The following CASR variants were observed in gnomAD, a reference collection of about 807,000 sequenced individuals.
The protein encoded by CASR is extracellular calcium-sensing receptor.
Under a neutral mutation model 69.1 loss-of-function variants are expected in CASR, and 23 were observed. That is an observed-to-expected ratio of 0.33 (90% CI 0.24 to 0.47). The LOEUF (loss-of-function observed/expected upper bound fraction) is 0.47. CASR is among the 20% of genes least tolerant of loss of function. CASR has a pLI of 1.00. For missense variants in CASR, 924 were observed against 1,356.1 expected, an observed-to-expected ratio of 0.68 and a Z score of 5.00; for synonymous variants, 541 against 544.7, an observed-to-expected ratio of 0.99 and a Z score of 0.10.
chr3:122,287,895 G>A lies in CASR; in HGVS notation c.*2704G>A, dbSNP rs1162818237. On this transcript the variant is annotated 3_prime_UTR_variant, in exon 7 of 7. Transcript: ENST00000639785. ...ATGACAGTACACAGAGCTTATGGAG[G>A]CTAACAAAGCTTCCAGGGTACCAGA... The A allele has an allele frequency of 6.6e-6, 1 of 152,188 alleles. No homozygotes were observed. Among genetic ancestry groups the A allele is most frequent in the Non-Finnish European group, 1.5e-5 (1 of 68,058 alleles). 9.4% of individuals were successfully genotyped at this position (152,188 alleles called of 1,614,324 possible).
intron 1 of CASR, among the ~76,000 whole-genome samples, chr3:122,220,375 T>C (rs923954031): frequency 6.6e-6 from 1 of 152,226 alleles, no homozygotes; most frequent in Non-Finnish European, 1.5e-5. Context: ...GAGCCAGTGA[T>C]ATGTCTGAGA....
At chr3:122,250,773 A>G (rs562339449) in intron 1 of CASR, among the ~76,000 whole-genome samples, 1 of 152,340 alleles carries the variant, frequency 6.6e-6, no homozygotes, top group South Asian at 2.1e-4. Context: ...TTCAGCATTT[A>G]CTATTTCAGA....
At chr3:122,251,046 G>A (rs2074477856) in intron 1 of CASR, among the ~76,000 whole-genome samples, 1 of 152,182 alleles carries the variant, frequency 6.6e-6, no homozygotes, top group Admixed American at 6.5e-5. Flanking sequence ...ACTAGGGTCA[G>A]AAAACTGGGA....
chr3:122,186,549 T>TA (rs1559931033), intron 1 of CASR, among the ~76,000 whole-genome samples: 1 of 152,320 alleles, frequency 6.6e-6, no homozygotes, highest in East Asian at 1.9e-4. Context: ...AACTAACTGG[T>TA]ATATAAAACC....
In CASR at chr3:122,228,458, A is replaced by T. The variant is rs147063858; in HGVS notation, c.-242-25490A>T. On this transcript the variant is annotated intron_variant, in intron 1 of 6. Transcript: ENST00000639785. The stretch of plus-strand genomic sequence containing the variant: ...ACCAAGCCTCACTTGTGGAACGTGG[A>T]AATGCCTTTATTTCCTATTAGAAGT... Among the ~76,000 whole-genome samples, 102 of 152,306 alleles carry T rather than the reference A, an allele frequency of 6.7e-4. No homozygotes were observed. In the East Asian group the frequency reaches 9.3e-3, roughly 14 times the overall value.
At chr3:122,269,068 G>A (rs1199705612) in intron 4 of CASR, among the ~76,000 whole-genome samples, 4 of 152,082 alleles carry the variant, frequency 2.6e-5, no homozygotes, top group African/African-American at 9.7e-5. Flanking sequence ...ATCTTTATCA[G>A]GAACAATTTA....
chr3:122,188,892 G>A (rs1483859556), intron 1 of CASR, among the ~76,000 whole-genome samples: 1 of 152,212 alleles, frequency 6.6e-6, no homozygotes, highest in Non-Finnish European at 1.5e-5. Context: ...ATGCAATGCA[G>A]TCTTGGTAAC....
chr3:122,284,683 C>G lies in CASR; in HGVS notation c.2729C>G (p.Pro910Arg), dbSNP rs1219288084. The G allele has an allele frequency of 1.2e-6, 2 of 1,613,502 alleles. No individual in the cohort carries two copies. The highest frequency in any genetic ancestry group is 1.7e-6 in the Non-Finnish European group (2 of 1,179,492). ...CTTGGAGGCTCCACGGGATCCACCC[C>G]CTCCTCCTCCATCAGCAGCAAGAGC... Reference protein sequence around the residue: ...SSLGGSTGSTPSSSISSKSNS... With the variant: ...SSLGGSTGSTRSSSISSKSNS... The change falls in exon 7 of 7, where the codon CCC becomes CGC. Residue 910 changes from proline (P) to arginine (R), a missense_variant. By Grantham distance (103) the Pro-to-Arg change is moderately radical. Coordinates refer to ENST00000639785, the MANE Select transcript of CASR (RefSeq NM_000388.4).
At chr3:122,219,829 G>A (rs528839228) in intron 1 of CASR, among the ~76,000 whole-genome samples, 70 of 152,354 alleles carry the variant, frequency 4.6e-4, no homozygotes, top group African/African-American at 1.5e-3. Context: ...ATTTAGACAA[G>A]AGGGATCCCT....
chr3:122,254,631 C>T (rs2074534968), intron 2 of CASR, among the ~76,000 whole-genome samples: 1 of 151,942 alleles, frequency 6.6e-6, no homozygotes, highest in Non-Finnish European at 1.5e-5. Context: ...CATTTGGTGA[C>T]CAAGTTATCA....
At chr3:122,184,321 C>T (rs900423827) in intron 1 of CASR, 8 of 153,256 alleles carry the variant, frequency 5.2e-5, no homozygotes, top group Admixed American at 3.9e-4. Context: ...AGCGGCCGCC[C>T]AGAGGGTCTG....
intron 1 of CASR, among the ~76,000 whole-genome samples, chr3:122,251,398 A>T (rs1391739009): frequency 6.6e-6 from 1 of 152,196 alleles, no homozygotes; most frequent in African/African-American, 2.4e-5. Flanking sequence ...CTTACTGCAC[A>T]ACTGAGGGGT....
chr3:122,270,107 G>T (rs1378049714), intron 4 of CASR, among the ~76,000 whole-genome samples: 1 of 152,160 alleles, frequency 6.6e-6, no homozygotes, highest in Non-Finnish European at 1.5e-5. Flanking sequence ...TTCCCAAAGT[G>T]CTGGGATTAC....
intron 1 of CASR, among the ~76,000 whole-genome samples, chr3:122,253,310 C>T (rs1336146387): frequency 2.6e-5 from 4 of 152,198 alleles, no homozygotes; most frequent in East Asian, 1.9e-4. Flanking sequence ...GGCACGATCT[C>T]GGCTCACTGC....
intron 1 of CASR, among the ~76,000 whole-genome samples, chr3:122,201,242 C>T (rs903009052): frequency 6.6e-6 from 1 of 152,176 alleles, no homozygotes; most frequent in Admixed American, 6.5e-5. Flanking sequence ...TTTAACAAAG[C>T]ACATCTTGTA....
At chr3:122,266,116 T>TG (rs1029764861) in intron 4 of CASR, among the ~76,000 whole-genome samples, 5 of 151,466 alleles carry the variant, frequency 3.3e-5, no homozygotes, top group Admixed American at 1.3e-4. Context: ...TAGACCAGAG[T>TG]GGGGGGGTTT....
At position 122,290,719 on chromosome 3, in the gene CASR, T is replaced by G. The variant is rs1411894873; in HGVS notation, c.*5528T>G. Reference sequence around the variant, plus strand: ...CTGGGTCAGTCACCCCTCCTCCAAATTTTTCTTTATTCTTTTTTTTTTATT... The same window carrying G: ...CTGGGTCAGTCACCCCTCCTCCAAAGTTTTCTTTATTCTTTTTTTTTTATT... On this transcript the variant is annotated 3_prime_UTR_variant, in exon 7 of 7. Coordinates refer to ENST00000639785, the MANE Select transcript of CASR (RefSeq NM_000388.4). 6.6e-6 allele frequency: 1 copy of G among 152,034 alleles called. No individual in the cohort carries two copies. The highest frequency in any genetic ancestry group is 2.4e-5 in the African/African-American group (1 of 41,428). The allele number at this position is 152,034 out of a possible 1,614,324, so 9.4% of individuals were successfully genotyped here.
At chr3:122,275,451 G>A (rs1304970664) in intron 4 of CASR, among the ~76,000 whole-genome samples, 5 of 152,230 alleles carry the variant, frequency 3.3e-5, no homozygotes, top group Non-Finnish European at 5.9e-5. Context: ...TGCCAGGGAT[G>A]GACTCTGGCT....
intron 1 of CASR, among the ~76,000 whole-genome samples, chr3:122,253,304 C>G (rs1277562932): frequency 2.6e-5 from 4 of 152,190 alleles, no homozygotes; most frequent in Admixed American, 2.6e-4. Flanking sequence ...TGCAATGGCA[C>G]GATCTCGGCT....
Sources: allele counts gnomAD v4.1 joint callset (sites outside exome capture counted in the v4.1 genomes callset), GRCh38; gene constraint gnomAD v4.1.1; transcripts MANE v1.5; gene names NCBI Gene and HGNC (gene_info 2026-07-23, HGNC 2026-07-21).